ADAMTS9: variants seen among roughly 807,000 people sequenced by gnomAD.
The protein encoded by ADAMTS9 is ADAM metallopeptidase with thrombospondin type 1 motif 9, also known as A disintegrin and metalloproteinase with thrombospondin motifs 9.
In ADAMTS9, 107 loss-of-function variants were observed where a neutral mutation model predicts 257.1. That is an observed-to-expected ratio of 0.42 (90% CI 0.36 to 0.49). The LOEUF (loss-of-function observed/expected upper bound fraction) is 0.49. ADAMTS9 is among the 20% of genes least tolerant of loss of function. The pLI is 0.03. For missense variants in ADAMTS9, 2,353 were observed against 2,469.1 expected (o/e 0.95, Z 1.00); for synonymous variants, 982 against 880.9 (o/e 1.11, Z -2.03).
rs59682586 is a variant in ADAMTS9, at chr3:64,556,714, TTTCC to T, written c.4698+4860_4698+4863del. 8.0e-3 allele frequency among the ~76,000 whole-genome samples: 1,107 copies of T among 138,194 alleles called. 6 individuals carry two copies. The highest frequency in any genetic ancestry group is 0.014 in the African/African-American group (505 of 37,114). 90.7% of individuals were successfully genotyped at this position (138,194 alleles called of 152,430 possible). On this transcript the variant is annotated intron_variant, in intron 30 of 39. Transcript: ENST00000498707. ...ATTAGCAGGCACTGTTCTATGTTTT[TTTCC>T]TTCCTTCCTTCCTTCCTTCCTTCCT...
intron 12 of ADAMTS9, among the ~76,000 whole-genome samples, chr3:64,639,200 C>A (rs1468858944): frequency 6.6e-6 from 1 of 151,286 alleles, no homozygotes. Flanking sequence ...GAGGCAGTCT[C>A]CTTCCTCAAT....
chr3:64,656,933 C>T lies in ADAMTS9; in HGVS notation c.970-1058G>A, dbSNP rs111357534. Among the ~76,000 whole-genome samples, 7 of 131,122 alleles carry T rather than the reference C, an allele frequency of 5.3e-5. No homozygotes were observed. The East Asian group carries it at 7.0e-4, about 13-fold the overall frequency. The allele number at this position is 131,122 out of a possible 152,430, so 86.0% of individuals were successfully genotyped here. A position where few individuals can be genotyped will look rare whatever the true frequency, so the allele number is the denominator to read the frequency against. ...TGGGGGATTTATTAAAAATAAGTTTCAGTTCAGGTAAATCAGGGCTCGTCT... is the reference window on the plus strand; with the variant it reads ...TGGGGGATTTATTAAAAATAAGTTTTAGTTCAGGTAAATCAGGGCTCGTCT... On this transcript the variant is annotated intron_variant, in intron 4 of 39. Coordinates refer to ENST00000498707, the MANE Select transcript of ADAMTS9 (RefSeq NM_182920.2).
At chr3:64,657,978 T>TG (rs1182512806) in intron 4 of ADAMTS9, among the ~76,000 whole-genome samples, 3 of 152,188 alleles carry the variant, frequency 2.0e-5, no homozygotes, top group East Asian at 1.9e-4. Flanking sequence ...ATTAGAATCC[T>TG]GGGGAAGAGG....
intron 25 of ADAMTS9, among the ~76,000 whole-genome samples, chr3:64,602,751 A>G (rs982578012): frequency 3.3e-5 from 5 of 152,092 alleles, no homozygotes; most frequent in Admixed American, 2.0e-4. Context: ...ACCCTCTCTA[A>G]AAGCACATCC....
At chr3:64,610,747 A>T (rs745835728) in intron 22 of ADAMTS9, among the ~76,000 whole-genome samples, 5 of 152,174 alleles carry the variant, frequency 3.3e-5, no homozygotes, top group Non-Finnish European at 5.9e-5. Context: ...ATGCAAAATT[A>T]TGCGGTTGCT....
intron 3 of ADAMTS9, among the ~76,000 whole-genome samples, chr3:64,661,991 G>A (rs941046136): frequency 2.0e-5 from 3 of 150,986 alleles, no homozygotes; most frequent in African/African-American, 2.4e-5. Flanking sequence ...TTTTCTTTCC[G>A]TTGCCTTAAA....
intron 16 of ADAMTS9, among the ~76,000 whole-genome samples, chr3:64,622,959 C>A (rs777490793): frequency 1.3e-5 from 2 of 152,132 alleles, no homozygotes; most frequent in Admixed American, 6.5e-5. Context: ...CATTAGTGAA[C>A]GGAACACTTA....
In ADAMTS9 at chr3:64,575,771, T is replaced by C. The variant is rs141444281; in HGVS notation, c.4357-7236A>G. On this transcript the variant is annotated intron_variant, in intron 28 of 39. Transcript: ENST00000498707. The stretch of plus-strand genomic sequence containing the variant: ...TAGTAGTAACTGTACCCAATATCAC[T>C]GTGTTACAATTAAATGAGACAATGC... Among the ~76,000 whole-genome samples the C allele has an allele frequency of 1.3e-3, 194 of 150,544 alleles. 3 individuals are homozygous for C. In the South Asian group the frequency reaches 0.017, roughly 13 times the overall value.
intron 33 of ADAMTS9, 26 bp from the exon 34 acceptor site, chr3:64,541,646 A>C: frequency 6.3e-7 from 1 of 1,590,172 alleles, no homozygotes; most frequent in Non-Finnish European, 8.6e-7. Flanking sequence ...CACAAAAAAT[A>C]GGGTGTGATG....
intron 36 of ADAMTS9, 95 bp from the exon 37 acceptor site, chr3:64,539,389 A>T (rs2083092336): frequency 9.8e-7 from 1 of 1,018,680 alleles, no homozygotes; most frequent in African/African-American, 1.6e-5. Flanking sequence ...AGAAGGGAAG[A>T]AGAAGAATAA....
intron 4 of ADAMTS9, 30 bp downstream of exon 4, chr3:64,658,472 C>CA (rs760527884): frequency 3.1e-6 from 5 of 1,592,118 alleles, no homozygotes; most frequent in Non-Finnish European, 4.3e-6. Context: ...TTAGAGACCT[C>CA]ATAAATCACC....
rs114822621 is a variant in ADAMTS9, at chr3:64,647,850, T to C, written c.1710+90A>G. The C allele has an allele frequency of 4.2e-4, 473 of 1,131,258 alleles. 2 individuals carry two copies. The highest frequency in any genetic ancestry group is 3.1e-3 in the Middle Eastern group (15 of 4,808). The allele number at this position is 1,131,258 out of a possible 1,614,324, so 70.1% of individuals were successfully genotyped here. A position where few individuals can be genotyped will look rare whatever the true frequency, so the allele number is the denominator to read the frequency against. On this transcript the variant is annotated intron_variant, in intron 11 of 39. Transcript: ENST00000498707. ...GCAAGCTAAAACAGACTGCATTGTCTTATATTCTAAACATCGGTGTCTGAT... is the reference window on the plus strand; with the variant it reads ...GCAAGCTAAAACAGACTGCATTGTCCTATATTCTAAACATCGGTGTCTGAT...
intron 39 of ADAMTS9, 24 bp downstream of exon 39, chr3:64,522,142 A>T: frequency 1.3e-6 from 2 of 1,598,598 alleles, no homozygotes; most frequent in South Asian, 1.1e-5. Flanking sequence ...AAATACACAG[A>T]CAGACAGACA....
rs1055669058 is a variant in ADAMTS9, at chr3:64,568,291, A to G, written c.4524+77T>C. 11 of 1,504,190 alleles carry G rather than the reference A, an allele frequency of 7.3e-6. No homozygotes were observed. The Admixed American group carries it at 2.6e-4, about 35-fold the overall frequency. The allele number at this position is 1,504,190 out of a possible 1,614,324, so 93.2% of individuals were successfully genotyped here. ...CGGTAAAACCAAAACCGTGCATAGA[A>G]ACACAAGTGAACACACTGGGGTCAG... is the stretch of plus-strand genomic sequence containing the variant. On this transcript the variant is annotated intron_variant, in intron 29 of 39. Transcript: ENST00000498707.
intron 23 of ADAMTS9, among the ~76,000 whole-genome samples, chr3:64,606,749 T>C (rs761658347): frequency 4.6e-5 from 7 of 152,212 alleles, no homozygotes; most frequent in Non-Finnish European, 1.0e-4. Context: ...AAAGCAAATC[T>C]ACATATACTT....
intron 3 of ADAMTS9, among the ~76,000 whole-genome samples, chr3:64,677,947 C>T (rs908878715): frequency 6.6e-6 from 1 of 152,166 alleles, no homozygotes; most frequent in African/African-American, 2.4e-5. Flanking sequence ...TCCTTCTATG[C>T]TTCCCTTTTT....
At chr3:64,636,815 A>C (rs758494941) in intron 12 of ADAMTS9, among the ~76,000 whole-genome samples, 3 of 152,216 alleles carry the variant, frequency 2.0e-5, no homozygotes, top group Non-Finnish European at 2.9e-5. Flanking sequence ...AGGTTGAGTA[A>C]TTGTGATGGA....
intron 18 of ADAMTS9, among the ~76,000 whole-genome samples, chr3:64,621,808 AAG>A (rs1700114516): frequency 6.6e-6 from 1 of 151,676 alleles, no homozygotes; most frequent in African/African-American, 2.4e-5. Context: ...AGAAAAGAAA[AAG>A]AAAAAAAAGG....
chr3:64,656,269 T>C (rs1176202412), intron 4 of ADAMTS9, among the ~76,000 whole-genome samples: 2 of 152,200 alleles, frequency 1.3e-5, no homozygotes, highest in Non-Finnish European at 1.5e-5. Flanking sequence ...TTGCCACCCA[T>C]TGTGTCCTTG....
Sources: allele counts gnomAD v4.1 joint callset (sites outside exome capture counted in the v4.1 genomes callset), GRCh38; gene constraint gnomAD v4.1.1; transcripts MANE v1.5; gene names NCBI Gene and HGNC (gene_info 2026-07-23, HGNC 2026-07-21).